The following SMG7 variants were observed in gnomAD, a reference collection of about 807,000 sequenced individuals.
SMG7 encodes the protein SMG7 nonsense mediated mRNA decay factor.
SMG7 carries 34 observed loss-of-function variants against 148.2 expected under a neutral mutation model. The observed-to-expected ratio is 0.23, with a 90% CI of 0.17 to 0.31. The LOEUF (loss-of-function observed/expected upper bound fraction) is 0.31. Ranked by LOEUF, SMG7 falls within the 10% of genes least tolerant of loss-of-function variation. The pLI is 1.00. For missense variants in SMG7, 1,114 were observed against 1,408.4 expected (o/e 0.79, Z 3.35); for synonymous variants, 492 against 515.1 (o/e 0.96, Z 0.61).
At chr1:183,524,873 G>C (rs1665515376) in intron 4 of SMG7, among the ~76,000 whole-genome samples, 1 of 152,010 alleles carries the variant, frequency 6.6e-6, no homozygotes, top group Non-Finnish European at 1.5e-5. Flanking sequence ...GTGTCATGTT[G>C]TCTGTCCTTC....
intron 18 of SMG7, among the ~76,000 whole-genome samples, chr1:183,547,854 A>AGT (rs1670202761): frequency 6.6e-6 from 1 of 151,114 alleles, no homozygotes; most frequent in Non-Finnish European, 1.5e-5. Context: ...CTAGAATCAC[A>AGT]TAAAATAAAA....
At chr1:183,517,623 CA>C in intron 3 of SMG7, 64 bp from the exon 4 acceptor site, 1 of 1,496,998 alleles carries the variant, frequency 6.7e-7, no homozygotes, top group Middle Eastern at 1.7e-4. Flanking sequence ...TTCTTGTTCT[CA>C]GGGGGACCAG....
At chr1:183,500,399 T>C (rs773259100) in intron 1 of SMG7, among the ~76,000 whole-genome samples, 1 of 152,196 alleles carries the variant, frequency 6.6e-6, no homozygotes, top group Non-Finnish European at 1.5e-5. Flanking sequence ...ACCTTTCAGA[T>C]TGTTTTTGGT....
intron 12 of SMG7, among the ~76,000 whole-genome samples, chr1:183,540,483 C>T (rs769183324): frequency 3.3e-5 from 5 of 150,434 alleles, no homozygotes; most frequent in Non-Finnish European, 5.9e-5. Context: ...GTTGGTTTAC[C>T]CTTCTGATAT....
intron 11 of SMG7, 43 bp from the exon 12 acceptor site, chr1:183,538,337 A>G: frequency 1.4e-6 from 2 of 1,425,252 alleles, no homozygotes; most frequent in Admixed American, 1.7e-5. Context: ...ACCAAACAAC[A>G]TTTTAATTAA....
At chr1:183,513,859 G>A (rs1313596870) in intron 2 of SMG7, among the ~76,000 whole-genome samples, 3 of 151,656 alleles carry the variant, frequency 2.0e-5, no homozygotes, top group South Asian at 2.1e-4. Context: ...GTGAAACCCC[G>A]TCTGTATTAA....
intron 8 of SMG7, 123 bp from the exon 9 acceptor site, chr1:183,533,041 T>C (rs1558035739): frequency 1.3e-6 from 1 of 767,246 alleles, no homozygotes; most frequent in Non-Finnish European, 2.1e-6. Flanking sequence ...GGCAGAACCA[T>C]TTACTCATCT....
intron 4 of SMG7, among the ~76,000 whole-genome samples, chr1:183,525,472 G>A: frequency 6.6e-6 from 1 of 152,318 alleles, no homozygotes; most frequent in Middle Eastern, 3.4e-3. Context: ...TATGAAAAGT[G>A]TGGACTCCTT....
chr1:183,547,321 C>T, intron 18 of SMG7, 69 bp downstream of exon 18: 1 of 1,357,480 alleles, frequency 7.4e-7, no homozygotes, highest in Non-Finnish European at 9.9e-7. Flanking sequence ...CTGTAGTACA[C>T]AGATTAGGTG....
At chr1:183,528,242 TATTA>T (rs773140867) in intron 6 of SMG7, among the ~76,000 whole-genome samples, 38 of 152,174 alleles carry the variant, frequency 2.5e-4, no homozygotes, top group Admixed American at 5.2e-4. Context: ...TTTTATTATT[TATTA>T]TTGTCAGTAA....
At position 183,544,454 on chromosome 1, in the gene SMG7, C is replaced by T. The variant is rs1669521119; in HGVS notation, c.1944C>T (p.Pro648=). Residue 648 remains proline (P), a synonymous_variant, in exon 15 of 23, where the codon CCC becomes CCT. Transcript: ENST00000688051. The stretch of plus-strand genomic sequence containing the variant: ...AAGCAAGTAACTCCCAGTTCATCCC[C>T]ATTCATCACCCTGGAGCCTTCCCTC... The part of the protein sequence containing the change: ...PTQASNSQFI[P]IHHPGAFPPL... 1 of 1,613,986 alleles carries T rather than the reference C, an allele frequency of 6.2e-7. No homozygotes were observed. The highest frequency in any genetic ancestry group is 2.2e-5 in the East Asian group (1 of 44,864).
At chr1:183,551,237 G>T (rs372056683) in intron 22 of SMG7, 47 bp downstream of exon 22, 73 of 1,519,786 alleles carry the variant, frequency 4.8e-5, no homozygotes, top group African/African-American at 7.0e-5. Context: ...TACAGCAAAG[G>T]TGTCTCTGCT....
At chr1:183,493,161 G>T (rs1303724254) in intron 1 of SMG7, among the ~76,000 whole-genome samples, 3 of 151,924 alleles carry the variant, frequency 2.0e-5, no homozygotes, top group Admixed American at 1.3e-4. Context: ...TTTTTATAAA[G>T]ATAGGGTCTT....
intron 17 of SMG7, 132 bp downstream of exon 17, chr1:183,546,469 G>A (rs762216030): frequency 1.1e-6 from 1 of 944,014 alleles, no homozygotes; most frequent in African/African-American, 1.7e-5. Flanking sequence ...CTGAGTATTG[G>A]TGTAGCTCTT....
At chr1:183,485,093 A>G (rs761906477) in intron 1 of SMG7, among the ~76,000 whole-genome samples, 4 of 152,150 alleles carry the variant, frequency 2.6e-5, no homozygotes, top group Non-Finnish European at 4.4e-5. Context: ...CTCTTTGAAT[A>G]GTAGATGTAT....
intron 1 of SMG7, among the ~76,000 whole-genome samples, chr1:183,475,526 G>A (rs1651944458): frequency 6.6e-6 from 1 of 152,246 alleles, no homozygotes; most frequent in Admixed American, 6.5e-5. Flanking sequence ...TCTGTGTAAT[G>A]TAGTGGTGGA....
intron 1 of SMG7, among the ~76,000 whole-genome samples, chr1:183,477,638 G>A: frequency 9.2e-6 from 1 of 108,934 alleles, no homozygotes; most frequent in East Asian, 2.8e-4. Flanking sequence ...GTGTATATAT[G>A]CATATATACG....
At position 183,549,202 on chromosome 1, in the gene SMG7, G is replaced by C; in HGVS notation, c.2893-6G>C. The stretch of plus-strand genomic sequence containing the variant: ...CTTAATTACCTTTTTTTCTGGGACT[G>C]TGAAGAAATCCTTATTGGAGAAGCC... On this transcript the variant is annotated splice_polypyrimidine_tract_variant and splice_region_variant and intron_variant, in intron 18 of 22. Transcript: ENST00000688051. The C allele has an allele frequency of 1.2e-6, 2 of 1,606,798 alleles. No homozygotes were observed. The highest frequency in any genetic ancestry group is 1.3e-5 in the African/African-American group (1 of 74,718).
Position 183,528,973 on chromosome 1 carries a change from T to C in SMG7, c.638T>C (p.Ile213Thr). The C allele has an allele frequency of 6.2e-7, 1 of 1,613,712 alleles. No individual in the cohort carries two copies. Among genetic ancestry groups the C allele is most frequent in the Non-Finnish European group, 8.5e-7 (1 of 1,179,670 alleles). Residue 213 changes from isoleucine to threonine, a missense_variant, in exon 7 of 23, where the codon ATT becomes ACT. Transcript: ENST00000688051. Reference protein sequence around the residue: ...LTTIFYYCRSIAVKFPFPAAS... With the variant: ...LTTIFYYCRSTAVKFPFPAAS... The stretch of plus-strand genomic sequence containing the variant: ...ACAATTTTCTACTACTGCAGAAGCA[T>C]TGCTGTGAAGTTCCCTTTCCCAGCT...
Sources: allele counts gnomAD v4.1 joint callset (sites outside exome capture counted in the v4.1 genomes callset), GRCh38; gene constraint gnomAD v4.1.1; transcripts MANE v1.5; gene names NCBI Gene and HGNC (gene_info 2026-07-23, HGNC 2026-07-21).